The following CDH18 variants were observed in gnomAD, a reference collection of about 807,000 sequenced individuals.
The protein encoded by CDH18 is cadherin-18.
In CDH18, 31 loss-of-function variants were observed where a neutral mutation model predicts 67.9. The observed-to-expected ratio is 0.46, with a 90% CI of 0.34 to 0.62. The LOEUF (loss-of-function observed/expected upper bound fraction) is 0.62, where lower values mean the gene tolerates loss of function less well. Ranked by LOEUF, CDH18 falls within the 20% of genes least tolerant of loss-of-function variation. The probability of loss-of-function intolerance (pLI) is 0.01; values close to 1 mark genes in which losing one functional copy is unlikely to be tolerated. For missense variants in CDH18, 890 were observed against 975.5 expected (o/e 0.91, Z 1.17); for synonymous variants, 362 against 347.2 (o/e 1.04, Z -0.48).
chr5:20,236,913 C>A (rs764558165), intron 2 of CDH18, among the ~76,000 whole-genome samples: 2 of 151,878 alleles, frequency 1.3e-5, no homozygotes, highest in Non-Finnish European at 2.9e-5. Context: ...ATAACAGTTT[C>A]AAATAACATG....
intron 5 of CDH18, among the ~76,000 whole-genome samples, chr5:19,654,323 T>G (rs1272357841): frequency 6.6e-6 from 1 of 152,206 alleles, no homozygotes; most frequent in South Asian, 2.1e-4. Context: ...GAAAATCCTG[T>G]CTACACCAGT....
chr5:20,311,037 A>C (rs1736931738), intron 1 of CDH18, among the ~76,000 whole-genome samples: 1 of 152,176 alleles, frequency 6.6e-6, no homozygotes, highest in Admixed American at 6.6e-5. Context: ...AAAGTTATTA[A>C]ATTCACCAGA....
intron 2 of CDH18, among the ~76,000 whole-genome samples, chr5:20,243,755 A>T (rs1340596086): frequency 6.6e-6 from 1 of 152,162 alleles, no homozygotes; most frequent in African/African-American, 2.4e-5. Context: ...AAAAAAATAC[A>T]TTACAATAAA....
rs542909495 is a variant in CDH18, at chr5:19,778,215, T to C, written c.229-30979A>G. On this transcript the variant is annotated intron_variant, in intron 3 of 12. Transcript: ENST00000382275. ...TAATTAACCTGAAAAAGGGCATCTA[T>C]GAAAAAACTACATTGAACCTACATG... Among the ~76,000 whole-genome samples the C allele has an allele frequency of 3.9e-5, 6 of 152,276 alleles. No individual in the cohort carries two copies. In the South Asian group the frequency reaches 1.0e-3, roughly 26 times the overall value.
chr5:19,848,305 A>G (rs1667101540), intron 2 of CDH18: 1 of 152,126 alleles, frequency 6.6e-6, no homozygotes, highest in Non-Finnish European at 1.5e-5. Flanking sequence ...CTTCCTTAAT[A>G]GGTGTGAAAC....
At chr5:19,755,723 C>A (rs1402152732) in intron 3 of CDH18, among the ~76,000 whole-genome samples, 1 of 151,460 alleles carries the variant, frequency 6.6e-6, no homozygotes, top group Admixed American at 6.6e-5. Flanking sequence ...GAGAGCCAGT[C>A]CAAGTCCCAA....
intron 1 of CDH18, among the ~76,000 whole-genome samples, chr5:20,555,222 A>G (rs1757831686): frequency 6.6e-6 from 1 of 152,074 alleles, no homozygotes; most frequent in African/African-American, 2.4e-5. Flanking sequence ...CATTGAGAAG[A>G]CAGCCATCTA....
At chr5:20,533,474 T>C (rs1479597909) in intron 1 of CDH18, among the ~76,000 whole-genome samples, 1 of 152,092 alleles carries the variant, frequency 6.6e-6, no homozygotes, top group African/African-American at 2.4e-5. Context: ...TCAAAAAGTA[T>C]TGAAAGAGGA....
At chr5:20,010,675 C>T (rs13359142) in intron 2 of CDH18, among the ~76,000 whole-genome samples, 5,319 of 152,212 alleles carry the variant, frequency 0.035, 308 homozygotes, top group African/African-American at 0.12. Context: ...TGAGACAAAG[C>T]ATTTTCTTAC....
At chr5:19,501,779 C>A (rs997821760) in intron 11 of CDH18, among the ~76,000 whole-genome samples, 9 of 152,072 alleles carry the variant, frequency 5.9e-5, no homozygotes, top group Non-Finnish European at 1.0e-4. Context: ...AGTTAAATAA[C>A]CTCTGCCAAA....
At chr5:20,464,106 A>T (rs1751465119) in intron 1 of CDH18, among the ~76,000 whole-genome samples, 1 of 152,160 alleles carries the variant, frequency 6.6e-6, no homozygotes, top group Non-Finnish European at 1.5e-5. Flanking sequence ...CCATAAAAAT[A>T]TTCTAACTGA....
chr5:20,264,680 C>A (rs190548559), intron 1 of CDH18, among the ~76,000 whole-genome samples: 9 of 151,986 alleles, frequency 5.9e-5, no homozygotes, highest in African/African-American at 2.2e-4. Context: ...TCTATATGAT[C>A]CAGTTCATTA....
In CDH18 at chr5:19,982,381, T is replaced by C. The variant is rs375818759; in HGVS notation, c.-375-1203A>G. Among the ~76,000 whole-genome samples the C allele has an allele frequency of 6.0e-4, 91 of 151,936 alleles. No homozygotes were observed. The South Asian group carries it at 0.016, about 27-fold the overall frequency. On this transcript the variant is annotated intron_variant, in intron 1 of 12. Transcript: ENST00000382275. ...ACAATATAAACAACACAGAAAAATC[T>C]AGAAAACTCACATTTTTCTCTCAAA...
chr5:19,999,987 CT>C (rs1736316584), intron 2 of CDH18, among the ~76,000 whole-genome samples: 2 of 152,160 alleles, frequency 1.3e-5, no homozygotes, highest in Admixed American at 1.3e-4. Context: ...AAACTATCAT[CT>C]CTTTTGTTAA....
chr5:19,680,627 A>C (rs1027267634), intron 5 of CDH18, among the ~76,000 whole-genome samples: 4 of 152,062 alleles, frequency 2.6e-5, no homozygotes, highest in African/African-American at 9.7e-5. Flanking sequence ...TACTTTTCGA[A>C]AGAGGACATA....
At chr5:20,201,649 T>C (rs947387238) in intron 2 of CDH18, among the ~76,000 whole-genome samples, 2 of 152,208 alleles carry the variant, frequency 1.3e-5, no homozygotes, top group East Asian at 1.9e-4. Context: ...AAAATAAATA[T>C]ATAATACATG....
intron 5 of CDH18, among the ~76,000 whole-genome samples, chr5:19,622,415 T>C (rs558793998): frequency 1.3e-5 from 2 of 152,270 alleles, no homozygotes; most frequent in South Asian, 4.1e-4. Context: ...TCGCTACCAT[T>C]TAGAGAAAAT....
chr5:19,664,835 G>T (rs576731620), intron 5 of CDH18, among the ~76,000 whole-genome samples: 1 of 152,036 alleles, frequency 6.6e-6, no homozygotes, highest in South Asian at 2.1e-4. Context: ...AAGGCATAAA[G>T]AATCTCTTTA....
intron 1 of CDH18, among the ~76,000 whole-genome samples, chr5:20,401,687 G>A (rs1179477862): frequency 6.6e-6 from 1 of 152,040 alleles, no homozygotes; most frequent in East Asian, 1.9e-4. Flanking sequence ...CCTTCAGCAT[G>A]TTCTGATGAA....
Sources: gnomAD v4.1 joint callset for allele counts (sites outside exome capture counted in the v4.1 genomes callset) on GRCh38, gnomAD v4.1.1 for gene constraint, MANE v1.5 for transcripts, NCBI Gene and HGNC (gene_info 2026-07-23, HGNC 2026-07-21) for gene names.